The following DNAH9 variants were observed in gnomAD, a reference collection of about 807,000 sequenced individuals.
DNAH9 encodes the protein dynein axonemal heavy chain 9, also known as DNAH9 variant protein.
A neutral mutation model predicts 471.6 loss-of-function variants in DNAH9; 345 were observed. The ratio of observed to expected loss-of-function variants is 0.73; its 90% CI spans 0.67 to 0.80. DNAH9 has a LOEUF of 0.80. Ranked by LOEUF, DNAH9 falls within the 30% of genes least tolerant of loss-of-function variation. The pLI is 0.00. For missense variants in DNAH9, 5,407 were observed against 5,609.2 expected, an observed-to-expected ratio of 0.96 and a Z score of 1.15; for synonymous variants, 2,093 against 2,123.6, an observed-to-expected ratio of 0.99 and a Z score of 0.40.
At chr17:11,806,304 A>G (rs1223999662) in intron 43 of DNAH9, among the ~76,000 whole-genome samples, 2 of 152,200 alleles carry the variant, frequency 1.3e-5, no homozygotes, top group East Asian at 3.8e-4. Flanking sequence ...GTTTGGCTCA[A>G]CAGTTTTACT....
chr17:11,952,185 G>A (rs1449052368), intron 67 of DNAH9, among the ~76,000 whole-genome samples: 1 of 146,684 alleles, frequency 6.8e-6, no homozygotes, highest in African/African-American at 2.5e-5. Context: ...TGTTGCCCAG[G>A]CTGGAGTTCA....
intron 17 of DNAH9, among the ~76,000 whole-genome samples, chr17:11,673,348 G>A (rs2074000546): frequency 6.6e-6 from 1 of 152,158 alleles, no homozygotes; most frequent in South Asian, 2.1e-4. Flanking sequence ...CCATGACTGT[G>A]GATAAGCTGT....
rs762611201 is a variant in DNAH9, at chr17:11,854,151, A to T, written c.9656A>T (p.Asp3219Val). 2 of 1,614,164 alleles carry T rather than the reference A, an allele frequency of 1.2e-6. No individual in the cohort carries two copies. The highest frequency in any genetic ancestry group is 1.3e-5 in the African/African-American group (1 of 75,044). The change falls in exon 50 of 69, where the codon GAT becomes GTT. Residue 3219 changes from aspartate to valine, a missense_variant. Transcript: ENST00000262442. Reference sequence around the variant, plus strand: ...GCTAAGGTCACCATGGCCAAAGTGGATGGCTTCCTGGACTCGCTAATAAAC... The same window carrying T: ...GCTAAGGTCACCATGGCCAAAGTGGTTGGCTTCCTGGACTCGCTAATAAAC... ...KAAKVTMAKV[D>V]GFLDSLINFN...
chr17:11,691,545 A>G (rs1314121398), intron 20 of DNAH9, among the ~76,000 whole-genome samples: 1 of 152,194 alleles, frequency 6.6e-6, no homozygotes, highest in African/African-American at 2.4e-5. Context: ...ACGTAATAAA[A>G]TCAGCCAGGC....
chr17:11,821,019 T>C (rs1172093457), intron 45 of DNAH9, among the ~76,000 whole-genome samples: 2 of 152,108 alleles, frequency 1.3e-5, no homozygotes, highest in Non-Finnish European at 2.9e-5. Flanking sequence ...CAGTGGCTCA[T>C]GCCTATAATC....
At chr17:11,799,022 C>T (rs1308144270) in intron 43 of DNAH9, among the ~76,000 whole-genome samples, 1 of 152,158 alleles carries the variant, frequency 6.6e-6, no homozygotes, top group African/African-American at 2.4e-5. Context: ...CGCTAATGGC[C>T]TTAGTCCCTG....
intron 36 of DNAH9, among the ~76,000 whole-genome samples, chr17:11,766,110 G>A (rs547300465): frequency 1.1e-3 from 173 of 152,240 alleles, no homozygotes; most frequent in African/African-American, 3.9e-3. Flanking sequence ...GCTTTTAGCA[G>A]CAGGGCACAT....
chr17:11,797,818 T>C (rs750832459), intron 43 of DNAH9, 25 bp downstream of exon 43: 3 of 1,599,188 alleles, frequency 1.9e-6, no homozygotes, highest in Admixed American at 1.7e-5. Flanking sequence ...CCTCTTCCTT[T>C]TCCTCAGTTG....
At chr17:11,790,515 T>A (rs866397668) in intron 41 of DNAH9, among the ~76,000 whole-genome samples, 1 of 152,080 alleles carries the variant, frequency 6.6e-6, no homozygotes, top group African/African-American at 2.4e-5. Flanking sequence ...AATATTTTTA[T>A]GACATGTTTT....
At chr17:11,887,963 T>TTTTATAATATTTTATG (rs1972929241) in intron 57 of DNAH9, among the ~76,000 whole-genome samples, 1 of 151,704 alleles carries the variant, frequency 6.6e-6, no homozygotes, top group Non-Finnish European at 1.5e-5. Flanking sequence ...GGATGAACTG[T>TTTTATAATATTTTATG]GTTTATAATA....
intron 52 of DNAH9, among the ~76,000 whole-genome samples, chr17:11,872,936 A>G (rs1288653360): frequency 6.6e-6 from 1 of 152,200 alleles, no homozygotes; most frequent in Non-Finnish European, 1.5e-5. Context: ...CAAACAAACA[A>G]AAACAGTCAG....
intron 63 of DNAH9, among the ~76,000 whole-genome samples, chr17:11,930,970 G>A (rs1476332207): frequency 2.0e-5 from 3 of 152,190 alleles, no homozygotes; most frequent in Non-Finnish European, 2.9e-5. Flanking sequence ...GGCTTATGTT[G>A]TAGCGTATTT....
At chr17:11,772,948 A>C (rs1381971465) in intron 38 of DNAH9, among the ~76,000 whole-genome samples, 1 of 152,230 alleles carries the variant, frequency 6.6e-6, no homozygotes, top group Non-Finnish European at 1.5e-5. Context: ...TCACAGTGCA[A>C]ACAATCTTGA....
At chr17:11,848,598 A>C (rs1325886482) in intron 49 of DNAH9, among the ~76,000 whole-genome samples, 2 of 152,086 alleles carry the variant, frequency 1.3e-5, no homozygotes, top group African/African-American at 4.8e-5. Context: ...CAATTTGTAC[A>C]AAGAATACTA....
chr17:11,727,836 A>G lies in DNAH9; in HGVS notation c.5728A>G (p.Lys1910Glu), dbSNP rs1187921920. ...CTTGCAGTCTTGTGGCAACATCTAC[A>G]AAGGCCTTGCTCAGACTGGTGCCTG... The part of the protein sequence containing the change: ...MDYKSCGNIY[K>E]GLAQTGAWGC... The change falls in exon 28 of 69, where the codon AAA (lysine) becomes GAA (glutamate). Residue 1910 changes from lysine to glutamate, a missense_variant. Physicochemically the swap from Lys to Glu is moderately conservative, Grantham distance 56. Around this residue, in one of 3 missense-constraint regions of DNAH9, gnomAD observed 4,636 missense variants for 4,900.3 expected, o/e 0.95. Coordinates refer to ENST00000262442, the MANE Select transcript of DNAH9 (RefSeq NM_001372.4). The G allele has an allele frequency of 2.5e-6, 4 of 1,613,774 alleles. No individual in the cohort carries two copies. Among genetic ancestry groups the G allele is most frequent in the Non-Finnish European group, 3.4e-6 (4 of 1,179,668 alleles).
chr17:11,877,586 T>C (rs923695122), intron 53 of DNAH9, among the ~76,000 whole-genome samples: 1 of 150,800 alleles, frequency 6.6e-6, no homozygotes, highest in African/African-American at 2.5e-5. Context: ...CCACTCAAAG[T>C]GAGCTTTGTT....
At chr17:11,864,086 C>A (rs1971955954) in intron 50 of DNAH9, among the ~76,000 whole-genome samples, 1 of 150,888 alleles carries the variant, frequency 6.6e-6, no homozygotes, top group South Asian at 2.1e-4. Context: ...TTTGCTCTTG[C>A]TTTTCTAGTT....
chr17:11,689,598 A>T lies in DNAH9; in HGVS notation c.3776A>T (p.Asp1259Val), dbSNP rs752061297. Reference sequence around the variant, plus strand: ...AGCATCCACCCTCATCAAATGCTGGATGCCAGGCACATCGAGATCCAGCAG... The same window carrying T: ...AGCATCCACCCTCATCAAATGCTGGTTGCCAGGCACATCGAGATCCAGCAG... The part of the protein sequence containing the change: ...FDSIHPHQML[D>V]ARHIEIQQME... The change falls in exon 20 of 69, where the codon GAT becomes GTT. Residue 1259 changes from aspartate to valine, a missense_variant. By Grantham distance (152) the Asp-to-Val change is radical. Transcript: ENST00000262442. The T allele has an allele frequency of 6.2e-7, 1 of 1,613,964 alleles. No homozygotes were observed. The highest frequency in any genetic ancestry group is 8.5e-7 in the Non-Finnish European group (1 of 1,179,926).
At chr17:11,780,154 G>T (rs1312750724) in intron 38 of DNAH9, among the ~76,000 whole-genome samples, 1 of 152,172 alleles carries the variant, frequency 6.6e-6, no homozygotes, top group Non-Finnish European at 1.5e-5. Flanking sequence ...CCTTCCTTTG[G>T]CTTGATAATT....
Sources: gnomAD v4.1 joint callset for allele counts (sites outside exome capture counted in the v4.1 genomes callset) on GRCh38, gnomAD v4.1.1 for gene constraint, gnomAD v4.1.1 regional missense constraint, MANE v1.5 for transcripts, NCBI Gene and HGNC (gene_info 2026-07-23, HGNC 2026-07-21) for gene names.